The following NSFL1C variants were observed in gnomAD, a reference collection of about 807,000 sequenced individuals.
NSFL1C encodes the protein NSFL1 cofactor p47.
In NSFL1C, 14 loss-of-function variants were observed where a neutral mutation model predicts 43.1. That is an observed-to-expected ratio of 0.32 (90% confidence interval 0.21 to 0.51). The LOEUF (loss-of-function observed/expected upper bound fraction) is 0.51, where lower values mean the gene tolerates loss of function less well. Among genes scored for constraint, NSFL1C ranks in the 20% least tolerant of loss-of-function variants. The pLI, the probability that NSFL1C is intolerant of heterozygous loss-of-function variation, is 0.98. For missense variants in NSFL1C, 406 were observed against 472.5 expected, an observed-to-expected ratio of 0.86 and a Z score of 1.30; for synonymous variants, 171 against 183.5, an observed-to-expected ratio of 0.93 and a Z score of 0.55.
Position 1,466,819 on chromosome 20 carries a change from C to T in NSFL1C, c.6G>A (p.Ala2=), listed in dbSNP as rs1298828472. M[A]AERQEALREF... is the part of the protein sequence containing the mutation. Reference sequence around the variant, plus strand: ...CCCTCAGCGCCTCCTGTCGCTCCGCCGCCATCTTCGCCCCGTGCGCCTTCC... The same window carrying T: ...CCCTCAGCGCCTCCTGTCGCTCCGCTGCCATCTTCGCCCCGTGCGCCTTCC... Residue 2 remains alanine (A), a synonymous_variant, in exon 1 of 9, where the codon GCG becomes GCA. Transcript: ENST00000216879. 2 of 1,539,120 alleles carry T rather than the reference C, an allele frequency of 1.3e-6. No individual in the cohort carries two copies. Among genetic ancestry groups the T allele is most frequent in the African/African-American group, 1.4e-5 (1 of 70,644 alleles).
chr20:1,462,791 G>A (rs2090439927), intron 2 of NSFL1C, among the ~76,000 whole-genome samples: 1 of 152,058 alleles, frequency 6.6e-6, no homozygotes, highest in Admixed American at 6.5e-5. Flanking sequence ...CCAAAGTGCT[G>A]GGATTACAGG....
intron 7 of NSFL1C, among the ~76,000 whole-genome samples, chr20:1,451,275 T>C (rs2090175513): frequency 6.6e-6 from 1 of 152,180 alleles, no homozygotes; most frequent in Non-Finnish European, 1.5e-5. Flanking sequence ...CCCTTGCTCC[T>C]GATGAGGCAT....
In NSFL1C at chr20:1,450,364, T is replaced by C. The variant is rs138615949; in HGVS notation, c.785+2129A>G. Among the ~76,000 whole-genome samples the C allele has an allele frequency of 4.2e-3, 636 of 152,224 alleles. 3 individuals carry two copies. Among genetic ancestry groups the C allele is most frequent in the African/African-American group, 0.014 (576 of 41,536 alleles). ...GCTGTTTTTTTTTTAAGCTAAGTTTTCATAAAAAGCCAGAACTGAAATAAA... is the reference window on the plus strand; with the variant it reads ...GCTGTTTTTTTTTTAAGCTAAGTTTCCATAAAAAGCCAGAACTGAAATAAA... On this transcript the variant is annotated intron_variant, in intron 7 of 8. Transcript: ENST00000216879.
In NSFL1C at chr20:1,443,075, G is replaced by C. The variant is rs2089982830; in HGVS notation, c.*674C>G. 1 of 152,320 alleles carries C rather than the reference G, an allele frequency of 6.6e-6. No homozygotes were observed. Among genetic ancestry groups the C allele is most frequent in the Non-Finnish European group, 1.5e-5 (1 of 68,120 alleles). 9.4% of individuals were successfully genotyped at this position (152,320 alleles called of 1,614,324 possible). ...GCAGTCTGGATGGTAATGGAGGAAA[G>C]GGCCAGGCAGGCAGGTGGAACAGAA... is the stretch of plus-strand genomic sequence containing the variant. On this transcript the variant is annotated 3_prime_UTR_variant, in exon 9 of 9. Transcript: ENST00000216879.
At chr20:1,444,416 G>GT (rs1356538336) in intron 8 of NSFL1C, among the ~76,000 whole-genome samples, 1 of 152,184 alleles carries the variant, frequency 6.6e-6, no homozygotes. Context: ...CAAGGACAGT[G>GT]TGTGTCTCTT....
chr20:1,447,971 G>A (rs140011467), intron 7 of NSFL1C, among the ~76,000 whole-genome samples: 15 of 152,284 alleles, frequency 9.9e-5, no homozygotes, highest in African/African-American at 3.4e-4. Context: ...CCTCCTTTCA[G>A]TATATATTCT....
intron 2 of NSFL1C, among the ~76,000 whole-genome samples, chr20:1,460,252 A>C (rs1393187004): frequency 6.6e-6 from 1 of 152,154 alleles, no homozygotes; most frequent in Non-Finnish European, 1.5e-5. Flanking sequence ...AGCAGTTCTC[A>C]AAGTGTGGTC....
intron 4 of NSFL1C, 90 bp downstream of exon 4, chr20:1,454,874 GAAA>G (rs1294918617): frequency 7.3e-7 from 1 of 1,367,312 alleles, no homozygotes; most frequent in Non-Finnish European, 1.0e-6. Context: ...ATGAAAAAAA[GAAA>G]AAAATCAGTC....
At chr20:1,452,687 T>A (rs1365276363) in intron 6 of NSFL1C, 57 bp from the exon 7 acceptor site, 1 of 1,603,666 alleles carries the variant, frequency 6.2e-7, no homozygotes, top group Non-Finnish European at 8.5e-7. Flanking sequence ...ATGACAGTGA[T>A]GGGAAAAGGG....
At chr20:1,449,508 C>T (rs192289272) in intron 7 of NSFL1C, among the ~76,000 whole-genome samples, 146 of 152,312 alleles carry the variant, frequency 9.6e-4, no homozygotes, top group African/African-American at 3.4e-3. Context: ...CGCAGGGCAG[C>T]CACACGCATC....
chr20:1,465,764 T>C (rs891631680), intron 1 of NSFL1C, among the ~76,000 whole-genome samples: 8 of 152,198 alleles, frequency 5.3e-5, no homozygotes, highest in Non-Finnish European at 1.5e-5. Flanking sequence ...GCTTGGCACA[T>C]GGTGGTTTAA....
At chr20:1,458,772 A>G (rs539744515) in intron 2 of NSFL1C, among the ~76,000 whole-genome samples, 3 of 152,326 alleles carry the variant, frequency 2.0e-5, no homozygotes, top group African/African-American at 7.2e-5. Flanking sequence ...ATAGGAAAGC[A>G]GCATACACAG....
Position 1,443,704 on chromosome 20 carries a change from G to A in NSFL1C, c.*45C>T. The A allele has an allele frequency of 6.2e-7, 1 of 1,607,822 alleles. No homozygotes were observed. The highest frequency in any genetic ancestry group is 8.5e-7 in the Non-Finnish European group (1 of 1,175,184). ...GCGATCCCCATGGGGCATGGCCACTGGCCATGGGAAACACAGGAGGGAGGC... is the reference window on the plus strand; with the variant it reads ...GCGATCCCCATGGGGCATGGCCACTAGCCATGGGAAACACAGGAGGGAGGC... On this transcript the variant is annotated 3_prime_UTR_variant, in exon 9 of 9. Transcript: ENST00000216879.
intron 2 of NSFL1C, among the ~76,000 whole-genome samples, chr20:1,462,960 G>A (rs181016988): frequency 6.6e-6 from 1 of 152,302 alleles, no homozygotes; most frequent in East Asian, 1.9e-4. Flanking sequence ...TGCTTTGTAA[G>A]TATTAACTCA....
chr20:1,454,141 T>G, intron 5 of NSFL1C, 72 bp downstream of exon 5: 1 of 1,207,538 alleles, frequency 8.3e-7, no homozygotes, highest in South Asian at 1.2e-5. Context: ...ATGCACAATA[T>G]GTAACCAATC....
At chr20:1,459,044 G>A (rs1057246375) in intron 2 of NSFL1C, among the ~76,000 whole-genome samples, 3 of 152,156 alleles carry the variant, frequency 2.0e-5, no homozygotes, top group African/African-American at 7.2e-5. Flanking sequence ...CAAGGAACAA[G>A]CTTAAGTTTT....
rs780989205 is a variant in NSFL1C, at chr20:1,443,857, G to T, written c.1005C>A (p.Thr335=). 5.6e-6 allele frequency: 9 copies of T among 1,613,746 alleles called. No homozygotes were observed. Among genetic ancestry groups the T allele is most frequent in the Non-Finnish European group, 7.6e-6 (9 of 1,179,988 alleles). ...GGAAAGTAGTCATGAGGATAAAGCTGGTGGCAGCCATGGCTGGCCGGGCAT... is the reference window on the plus strand; with the variant it reads ...GGAAAGTAGTCATGAGGATAAAGCTTGTGGCAGCCATGGCTGGCCGGGCAT... ...IVDARPAMAA[T]SFILMTTFPN... Residue 335 remains threonine, a synonymous_variant, in exon 9 of 9, where the codon ACC becomes ACA. Transcript: ENST00000216879.
At chr20:1,453,177 G>C (rs771511211) in intron 5 of NSFL1C, 37 bp from the exon 6 acceptor site, 1 of 1,199,966 alleles carries the variant, frequency 8.3e-7, no homozygotes, top group African/African-American at 1.5e-5. Context: ...CCAGGGATCT[G>C]GCAAGCATAC....
intron 7 of NSFL1C, among the ~76,000 whole-genome samples, chr20:1,449,255 T>C (rs1297762389): frequency 1.3e-5 from 2 of 152,232 alleles, no homozygotes; most frequent in African/African-American, 4.8e-5. Flanking sequence ...AATTATATCA[T>C]TCTTCAAGGT....
Sources: allele counts gnomAD v4.1 joint callset (sites outside exome capture counted in the v4.1 genomes callset), GRCh38; gene constraint gnomAD v4.1.1; transcripts MANE v1.5; gene names NCBI Gene and HGNC (gene_info 2026-07-23, HGNC 2026-07-21).